The following NBAS variants were observed in gnomAD, a reference collection of about 807,000 sequenced individuals.
NBAS encodes the protein NAG/BC035112 fusion.
In NBAS, 219 loss-of-function variants were observed where a neutral mutation model predicts 302.5. That is an observed-to-expected ratio of 0.72 (90% CI 0.65 to 0.81). NBAS has a LOEUF of 0.81. Among genes scored for constraint, NBAS ranks in the 30% least tolerant of loss-of-function variants. The pLI is 0.00. For missense variants in NBAS, 2,932 were observed against 2,841.6 expected, an observed-to-expected ratio of 1.03 and a Z score of -0.72; for synonymous variants, 1,118 against 1,021.6, an observed-to-expected ratio of 1.09 and a Z score of -1.80.
chr2:15,114,006 C>T, the NBAS span, among the ~76,000 whole-genome samples: 1 of 152,122 alleles, frequency 6.6e-6, no homozygotes, highest in Non-Finnish European at 1.5e-5. Context: ...TGCCTCCTCC[C>T]TCCCAAAATA....
At chr2:15,540,110 G>A (rs562586198) in intron 6 of NBAS, among the ~76,000 whole-genome samples, 13 of 152,192 alleles carry the variant, frequency 8.5e-5, no homozygotes, top group South Asian at 2.1e-4. Flanking sequence ...TTATTGTTTC[G>A]TTTGCTTCGG....
In NBAS at chr2:15,467,365, C is replaced by T; in HGVS notation, c.2061G>A (p.Lys687=). The change falls in exon 19 of 52, where the codon AAG becomes AAA. Residue 687 remains lysine (K), a synonymous_variant. Transcript: ENST00000281513. ...EQKELCRCRR[K]LLTYLDRLAT... is the part of the protein sequence containing the mutation. ...CAAGTCGATCTAAGTAGGTTAATAA[C>T]TTCCGTCTACAACGGCAAAGTTCCT... 3.1e-6 allele frequency: 5 copies of T among 1,613,634 alleles called. No individual in the cohort carries two copies. Among genetic ancestry groups the T allele is most frequent in the Non-Finnish European group, 4.2e-6 (5 of 1,179,700 alleles).
chr2:15,168,703 C>T (rs768686445), intron 51 of NBAS, among the ~76,000 whole-genome samples: 3 of 152,220 alleles, frequency 2.0e-5, no homozygotes, highest in African/African-American at 7.2e-5. Flanking sequence ...AATCTCGGCT[C>T]ACTGCAACCT....
chr2:14,881,072 T>A, the NBAS span, among the ~76,000 whole-genome samples: 4 of 152,162 alleles, frequency 2.6e-5, no homozygotes, highest in South Asian at 4.1e-4. Context: ...AATAGCAAAG[T>A]CACAGAATCC....
At chr2:15,035,519 G>A in the NBAS span, among the ~76,000 whole-genome samples, 46 of 152,286 alleles carry the variant, frequency 3.0e-4, no homozygotes, top group African/African-American at 1.1e-3. Context: ...AAGTCATTCT[G>A]TTATAAAGAT....
At chr2:15,089,790 C>T in the NBAS span, among the ~76,000 whole-genome samples, 1 of 141,824 alleles carries the variant, frequency 7.1e-6, no homozygotes, top group African/African-American at 2.6e-5. Context: ...GCTCTGTCAC[C>T]CAGGCTGGAG....
At chr2:15,029,197 G>A in the NBAS span, among the ~76,000 whole-genome samples, 1 of 152,192 alleles carries the variant, frequency 6.6e-6, no homozygotes, top group Admixed American at 6.5e-5. Flanking sequence ...TTAAAATATA[G>A]CTTTTAAAGC....
chr2:15,521,900 G>A lies in NBAS; in HGVS notation c.747-10550C>T, dbSNP rs188584553. Among the ~76,000 whole-genome samples, 76 of 152,280 alleles carry A rather than the reference G, an allele frequency of 5.0e-4. 1 individual carries two copies. The highest frequency in any genetic ancestry group is 1.7e-3 in the African/African-American group (72 of 41,552). On this transcript the variant is annotated intron_variant, in intron 9 of 51. Coordinates refer to ENST00000281513, the MANE Select transcript of NBAS (RefSeq NM_015909.4). ...TCTGCTTTCACACTACAAGAGGAGA[G>A]TTTAGTAGTTATAGCAGAGACCATA...
At chr2:14,994,646 G>T in the NBAS span, among the ~76,000 whole-genome samples, 3 of 152,240 alleles carry the variant, frequency 2.0e-5, no homozygotes, top group South Asian at 2.1e-4. Flanking sequence ...CCACCTTCCG[G>T]GCATGCCAGA....
chr2:15,495,826 C>T (rs984699488), intron 11 of NBAS, among the ~76,000 whole-genome samples: 1 of 152,132 alleles, frequency 6.6e-6, no homozygotes, highest in Admixed American at 6.5e-5. Context: ...AAACACCATA[C>T]TCTGACATTA....
chr2:14,971,387 C>T, the NBAS span, among the ~76,000 whole-genome samples: 3 of 152,042 alleles, frequency 2.0e-5, no homozygotes, highest in Non-Finnish European at 2.9e-5. Flanking sequence ...TGGTGGCACA[C>T]ACCTGTAATC....
At chr2:14,966,200 A>G in the NBAS span, among the ~76,000 whole-genome samples, 1 of 152,204 alleles carries the variant, frequency 6.6e-6, no homozygotes, top group Non-Finnish European at 1.5e-5. Flanking sequence ...CTCCAGAACT[A>G]TGAGAGAATA....
intron 48 of NBAS, among the ~76,000 whole-genome samples, chr2:15,207,897 C>T (rs1264631752): frequency 2.0e-5 from 3 of 151,658 alleles, no homozygotes; most frequent in Non-Finnish European, 4.4e-5. Flanking sequence ...TAGTAACTAA[C>T]ACAAAATTGA....
intron 1 of NBAS, among the ~76,000 whole-genome samples, chr2:15,559,486 C>T (rs1664809032): frequency 6.6e-6 from 1 of 152,164 alleles, no homozygotes; most frequent in African/African-American, 2.4e-5. Flanking sequence ...CACTAAAGTG[C>T]TGTCAAGAAA....
chr2:15,313,679 A>G (rs1671378593), intron 38 of NBAS, among the ~76,000 whole-genome samples: 1 of 152,184 alleles, frequency 6.6e-6, no homozygotes, highest in Admixed American at 6.5e-5. Flanking sequence ...TTAAATTCTC[A>G]CTTTGAGCAT....
the NBAS span, among the ~76,000 whole-genome samples, chr2:15,117,860 T>G: frequency 1.1e-3 from 172 of 152,084 alleles, 2 homozygotes; most frequent in African/African-American, 3.6e-3. Flanking sequence ...CCAAGGCCCC[T>G]CCTCCTGCCA....
chr2:15,290,093 G>C (rs1437453290), intron 41 of NBAS, among the ~76,000 whole-genome samples: 1 of 148,902 alleles, frequency 6.7e-6, no homozygotes, highest in Admixed American at 6.7e-5. Context: ...GTAGAGGGGA[G>C]AGGGGAGAGA....
intron 21 of NBAS, among the ~76,000 whole-genome samples, chr2:15,456,358 G>T (rs1229999474): frequency 6.6e-6 from 1 of 152,192 alleles, no homozygotes; most frequent in Non-Finnish European, 1.5e-5. Context: ...GGTCAACTTG[G>T]CATAACTTAC....
At chr2:15,391,421 T>G (rs74845732) in intron 28 of NBAS, among the ~76,000 whole-genome samples, 2,047 of 151,372 alleles carry the variant, frequency 0.014, 32 homozygotes, top group East Asian at 0.059. Flanking sequence ...ATGTACAAAT[T>G]GATGAGACAT....
Sources: allele counts gnomAD v4.1 joint callset (sites outside exome capture counted in the v4.1 genomes callset), GRCh38; gene constraint gnomAD v4.1.1; transcripts MANE v1.5; gene names NCBI Gene and HGNC (gene_info 2026-07-23, HGNC 2026-07-21).